Variants in DLEC1 observed in about 807,000 individuals in gnomAD.
The protein encoded by DLEC1 is deleted in lung and esophageal cancer protein 1.
In DLEC1, 146 loss-of-function variants were observed where a neutral mutation model predicts 198.1. That is an observed-to-expected ratio of 0.74 (90% CI 0.64 to 0.85). The LOEUF (loss-of-function observed/expected upper bound fraction) is 0.85, where lower values mean the gene tolerates loss of function less well. DLEC1 is among the 40% of genes least tolerant of loss of function. The pLI is 0.00. For synonymous variants in DLEC1, 897 were observed against 866.8 expected (o/e 1.03, Z -0.61); for missense variants, 2,233 against 2,220.0 (o/e 1.01, Z -0.12).
At chr3:38,079,630 T>C (rs1697850321) in intron 6 of DLEC1, among the ~76,000 whole-genome samples, 1 of 152,010 alleles carries the variant, frequency 6.6e-6, no homozygotes, top group Non-Finnish European at 1.5e-5. Flanking sequence ...GCCAGGTGAG[T>C]TGGACAGTCC....
Position 38,117,897 on chromosome 3 carries a change from TCTC to T in DLEC1, c.4579_4581del (p.Ser1527del), listed in dbSNP as rs767238343. 3 of 1,613,998 alleles carry T rather than the reference TCTC, an allele frequency of 1.9e-6. No individual in the cohort carries two copies. The highest frequency in any genetic ancestry group is 8.5e-7 in the Non-Finnish European group (1 of 1,180,006). The stretch of plus-strand genomic sequence containing the variant: ...TTCCGGCTTATGGTCTCCAGGCCCT[TCTC>T]CGTTTCTCAAGATGGGGCGAGCCAG... On this transcript the variant is annotated inframe_deletion, in exon 33 of 37. Transcript: ENST00000308059.
At position 38,120,505 on chromosome 3, in the gene DLEC1, G is replaced by T. The variant is rs1700392402; in HGVS notation, c.4762G>T (p.Asp1588Tyr). 6.2e-7 allele frequency: 1 copy of T among 1,614,224 alleles called. No individual in the cohort carries two copies. The highest frequency in any genetic ancestry group is 1.3e-5 in the African/African-American group (1 of 75,062). ...ELLSYQKLPA[D>Y]QTLPGVDIQQ... ...GCTCTCCTATCAGAAGCTCCCAGCT[G>T]ACCAGACACTGCCTGGGGTGGACAT... is the stretch of plus-strand genomic sequence containing the variant. Residue 1588 changes from aspartate to tyrosine, a missense_variant, in exon 34 of 37, where the codon GAC (aspartate) becomes TAC (tyrosine). Physicochemically the swap from Asp to Tyr is radical, Grantham distance 160. Transcript: ENST00000308059.
intron 6 of DLEC1, among the ~76,000 whole-genome samples, chr3:38,079,785 G>A (rs890785253): frequency 9.2e-5 from 14 of 152,180 alleles, no homozygotes; most frequent in African/African-American, 2.4e-4. Flanking sequence ...TGGCTGCTGC[G>A]GTTCAGGCGT....
chr3:38,055,773 G>A (rs1026929472), intron 2 of DLEC1, among the ~76,000 whole-genome samples: 3 of 152,028 alleles, frequency 2.0e-5, no homozygotes, highest in Admixed American at 6.6e-5. Flanking sequence ...TCTGGGTTGC[G>A]GGGAGAAAAA....
chr3:38,121,583 C>T, intron 34 of DLEC1, 45 bp from the exon 35 acceptor site: 6 of 1,590,396 alleles, frequency 3.8e-6, no homozygotes, highest in Non-Finnish European at 4.3e-6. Flanking sequence ...GAGGCCCTGG[C>T]TCAGAGCCCA....
intron 1 of DLEC1, among the ~76,000 whole-genome samples, chr3:38,044,531 C>G (rs1330987898): frequency 6.6e-6 from 1 of 151,932 alleles, no homozygotes; most frequent in Non-Finnish European, 1.5e-5. Context: ...CCATTGCACT[C>G]CAGCCTGGGC....
intron 2 of DLEC1, among the ~76,000 whole-genome samples, chr3:38,057,173 G>C (rs1014638694): frequency 6.6e-6 from 1 of 152,248 alleles, no homozygotes; most frequent in African/African-American, 2.4e-5. Context: ...ATGCTAAAAA[G>C]CAGTAAGAAT....
chr3:38,050,555 G>C (rs553443820), intron 2 of DLEC1, among the ~76,000 whole-genome samples: 3 of 152,092 alleles, frequency 2.0e-5, no homozygotes, highest in South Asian at 2.1e-4. Flanking sequence ...GGGGGTTTTG[G>C]GGGGGCCAGG....
At chr3:38,075,609 G>T (rs1239915269) in intron 6 of DLEC1, among the ~76,000 whole-genome samples, 2 of 151,972 alleles carry the variant, frequency 1.3e-5, no homozygotes, top group African/African-American at 2.4e-5. Flanking sequence ...TGGGAAAGGG[G>T]TCGGGGCGTG....
At chr3:38,100,215 G>A (rs572612801) in intron 18 of DLEC1, 71 bp from the exon 19 acceptor site, 1 of 1,506,414 alleles carries the variant, frequency 6.6e-7, no homozygotes, top group Non-Finnish European at 8.9e-7. Flanking sequence ...GGTTAGGCAT[G>A]GCCAGCCCCC....
At chr3:38,098,660 G>A (rs906419295) in intron 18 of DLEC1, among the ~76,000 whole-genome samples, 1 of 151,620 alleles carries the variant, frequency 6.6e-6, no homozygotes, top group Non-Finnish European at 1.5e-5. Flanking sequence ...CTTGCCCTCC[G>A]AGTCAGAACA....
At chr3:38,088,224 G>T in intron 9 of DLEC1, 72 bp from the exon 10 acceptor site, 1 of 1,341,736 alleles carries the variant, frequency 7.5e-7, no homozygotes, top group Non-Finnish European at 1.1e-6. Flanking sequence ...GTTTGAAGGA[G>T]AGAAGTTTGC....
intron 6 of DLEC1, among the ~76,000 whole-genome samples, chr3:38,066,569 T>A (rs1697041819): frequency 6.6e-6 from 1 of 152,224 alleles, no homozygotes; most frequent in South Asian, 2.1e-4. Flanking sequence ...CTTTCCTCAT[T>A]CCTTTTTCCC....
At chr3:38,068,024 G>A (rs1276270120) in intron 6 of DLEC1, among the ~76,000 whole-genome samples, 3 of 152,134 alleles carry the variant, frequency 2.0e-5, no homozygotes, top group African/African-American at 7.2e-5. Flanking sequence ...AAAGTCCTGG[G>A]ATTACAGGCG....
chr3:38,050,299 G>A (rs551252316), intron 2 of DLEC1, among the ~76,000 whole-genome samples: 27 of 152,140 alleles, frequency 1.8e-4, no homozygotes, highest in African/African-American at 6.0e-4. Context: ...TCCAGATAAC[G>A]TCTTAAGAAA....
At position 38,123,270 on chromosome 3, in the gene DLEC1, G is replaced by GGC; in HGVS notation, c.*859_*860dup. 1.4e-6 allele frequency: 1 copy of GGC among 698,916 alleles called. No homozygotes were observed. The highest frequency in any genetic ancestry group is 2.5e-6 in the Non-Finnish European group (1 of 397,238). The allele number at this position is 698,916 out of a possible 1,614,324, so 43.3% of individuals were successfully genotyped here. A position where few individuals can be genotyped will look rare whatever the true frequency, so the allele number is the denominator to read the frequency against. On this transcript the variant is annotated 3_prime_UTR_variant, in exon 37 of 37. Transcript: ENST00000308059. ...AAGCGGTACCCTGGCCTCCCACTTG[G>GGC]GCACACACACGGTGACAGATGCCCA...
intron 23 of DLEC1, among the ~76,000 whole-genome samples, chr3:38,110,935 CACAT>C (rs1258612967): frequency 5.3e-5 from 8 of 152,168 alleles, no homozygotes; most frequent in African/African-American, 1.9e-4. Context: ...CATGCACACA[CACAT>C]ATACATAAAC....
At chr3:38,115,090 C>T (rs62240753) in intron 27 of DLEC1, 37 bp downstream of exon 27, 1 of 1,610,754 alleles carries the variant, frequency 6.2e-7, no homozygotes, top group Non-Finnish European at 8.5e-7. Context: ...GTTCTTGCCA[C>T]AGGCTGTGCC....
intron 6 of DLEC1, among the ~76,000 whole-genome samples, chr3:38,081,795 T>C (rs1698025572): frequency 2.6e-5 from 3 of 117,546 alleles, no homozygotes; most frequent in East Asian, 2.8e-4. Flanking sequence ...GGCGGGGGGC[T>C]GACCCCCCCA....
Sources: gnomAD v4.1 joint callset for allele counts (sites outside exome capture counted in the v4.1 genomes callset) on GRCh38, gnomAD v4.1.1 for gene constraint, MANE v1.5 for transcripts, NCBI Gene and HGNC (gene_info 2026-07-23, HGNC 2026-07-21) for gene names.